The following IL12RB1 variants were observed in gnomAD, a reference collection of about 807,000 sequenced individuals.
IL12RB1 encodes interleukin-12 receptor subunit beta-1.
IL12RB1 carries 64 observed loss-of-function variants against 94.4 expected under a neutral mutation model. The observed-to-expected ratio is 0.68, with a 90% confidence interval of 0.55 to 0.83. The LOEUF is 0.83. IL12RB1 is among the 40% of genes least tolerant of loss of function. IL12RB1 has a pLI of 0.00. For missense variants in IL12RB1, 814 were observed against 855.6 expected, an observed-to-expected ratio of 0.95 and a Z score of 0.61; for synonymous variants, 362 against 355.5, an observed-to-expected ratio of 1.02 and a Z score of -0.21.
intron 9 of IL12RB1, among the ~76,000 whole-genome samples, chr19:18,069,966 A>G (rs962188537): frequency 6.6e-6 from 1 of 151,696 alleles, no homozygotes; most frequent in Non-Finnish European, 1.5e-5. Flanking sequence ...CCCAGGCTGG[A>G]GTGCAGTGGC....
upstream of IL12RB1, among the ~76,000 whole-genome samples, chr19:18,088,878 A>C (rs181111450): frequency 4.9e-4 from 75 of 152,164 alleles, no homozygotes; most frequent in East Asian, 0.013. Flanking sequence ...AAAAATACAA[A>C]AATTTGCCAG....
intron 1 of IL12RB1, among the ~76,000 whole-genome samples, chr19:18,096,692 CT>C (rs2036959849): frequency 6.6e-6 from 1 of 151,264 alleles, no homozygotes; most frequent in Non-Finnish European, 1.5e-5. Flanking sequence ...AAAAATCAGC[CT>C]GGTGTGGTGG....
Position 18,077,609 on chromosome 19 carries a change from G to A in IL12RB1, c.456C>T (p.Ala152=), listed in dbSNP as rs762179767. 1.6e-5 allele frequency: 25 copies of A among 1,595,906 alleles called. No individual in the cohort carries two copies. The highest frequency in any genetic ancestry group is 1.7e-5 in the Admixed American group (1 of 59,938). ...PLGDIKVSKL[A]GQLRMEWETP... ...TCTCCCACTCCATACGCAGCTGCCC[G>A]GCCAACTTGGACACCTTGATGTCTC... Residue 152 remains alanine, a synonymous_variant, in exon 5 of 17, where the codon GCC becomes GCT. Transcript: ENST00000593993.
At chr19:18,069,819 A>G in intron 9 of IL12RB1, 106 bp from the exon 10 acceptor site, 8 of 841,946 alleles carry the variant, frequency 9.5e-6, no homozygotes, top group East Asian at 2.4e-5. Context: ...TATACCCCTG[A>G]CCCTACAGGG....
At chr19:18,067,088 C>T (rs1265267071) in intron 11 of IL12RB1, among the ~76,000 whole-genome samples, 3 of 150,656 alleles carry the variant, frequency 2.0e-5, no homozygotes, top group Non-Finnish European at 4.4e-5. Flanking sequence ...TATTGGGAGG[C>T]CAAGGTGGGT....
At position 18,072,314 on chromosome 19, in the gene IL12RB1, C is replaced by A; in HGVS notation, c.819G>T (p.Gly273=). The A allele has an allele frequency of 6.2e-7, 1 of 1,614,000 alleles. No individual in the cohort carries two copies. The highest frequency in any genetic ancestry group is 8.5e-7 in the Non-Finnish European group (1 of 1,179,966). The change falls in exon 9 of 17, where the codon GGG becomes GGT. Residue 273 remains glycine, a synonymous_variant. Coordinates refer to ENST00000593993, the MANE Select transcript of IL12RB1 (RefSeq NM_005535.3). ...TQLELPEGCQ[G]LAPGTEVTYR... ...AAGTGACCTCCGTGCCAGGCGCCAG[C>A]CCTTGACAGCCTTCTGGAAGCTCCA...
chr19:18,091,476 C>G (rs1429767205), upstream of IL12RB1: 1 of 152,228 alleles, frequency 6.6e-6, no homozygotes, highest in African/African-American at 2.4e-5. Flanking sequence ...GGGAGAGAGA[C>G]CTTCAGCCCG....
rs147436538 is a variant in IL12RB1 at position 18,075,754 on chromosome 19, G to A, written c.695C>T (p.Pro232Leu). 91 of 1,612,890 alleles carry A rather than the reference G, an allele frequency of 5.6e-5. No homozygotes were observed. In the African/African-American group the frequency reaches 8.9e-4, roughly 16 times the overall value. The change falls in exon 7 of 17, where the codon CCC becomes CTC. Residue 232 changes from proline to leucine, a missense_variant. Pro to Leu is a moderately conservative substitution (Grantham distance 98). Coordinates refer to ENST00000593993, the MANE Select transcript of IL12RB1 (RefSeq NM_005535.3). ...WSKWSSPVCVPPENPPQPQVR... is the reference protein window; with the variant it reads ...WSKWSSPVCVLPENPPQPQVR... ...TGTACTCAGAGTGATCTTACCAGGG[G>A]GAACGCACACGGGGCTGCTCCACTT... is the stretch of plus-strand genomic sequence containing the variant.
chr19:18,072,340 G>T lies in IL12RB1; in HGVS notation c.793C>A (p.Leu265Met), dbSNP rs1199937410. 6.2e-7 allele frequency: 1 copy of T among 1,612,614 alleles called. No homozygotes were observed. Among genetic ancestry groups the T allele is most frequent in the Non-Finnish European group, 8.5e-7 (1 of 1,178,702 alleles). Residue 265 changes from leucine (L) to methionine (M), a missense_variant, in exon 9 of 17, where the codon CTG becomes ATG. By Grantham distance (15) the Leu-to-Met change is conservative. Coordinates refer to ENST00000593993, the MANE Select transcript of IL12RB1 (RefSeq NM_005535.3). Reference protein sequence around the residue: ...RLTLKEQPTQLELPEGCQGLA... With the variant: ...RLTLKEQPTQMELPEGCQGLA... Reference sequence around the variant, plus strand: ...CCTTGACAGCCTTCTGGAAGCTCCAGCTGGGTTGGCTGTCAGGAGTATGAA... The same window carrying T: ...CCTTGACAGCCTTCTGGAAGCTCCATCTGGGTTGGCTGTCAGGAGTATGAA...
rs2034175580 is a variant in IL12RB1, at chr19:18,062,050, A to C, written c.1715+131T>G. On this transcript the variant is annotated intron_variant, in intron 14 of 16. Transcript: ENST00000593993. ...TGCTTCAATAAAGCTGTTTTCTTCT[A>C]CCTCTGGCTTGCCCTTGAATTATTT... 3 of 650,012 alleles carry C rather than the reference A, an allele frequency of 4.6e-6. No individual in the cohort carries two copies. In the Admixed American group the frequency reaches 7.2e-5, roughly 16 times the overall value. 40.3% of individuals were successfully genotyped at this position (650,012 alleles called of 1,614,324 possible). A position where few individuals can be genotyped will look rare whatever the true frequency, so the allele number is the denominator to read the frequency against.
chr19:18,072,003 C>A (rs2035090363), intron 9 of IL12RB1, 109 bp downstream of exon 9: 1 of 772,760 alleles, frequency 1.3e-6, no homozygotes, highest in African/African-American at 1.7e-5. Flanking sequence ...ATCAGGCACT[C>A]CTTTAAAATT....
At chr19:18,073,402 C>T in intron 8 of IL12RB1, 115 bp downstream of exon 8, 2 of 744,246 alleles carry the variant, frequency 2.7e-6, no homozygotes, top group Non-Finnish European at 4.9e-6. Flanking sequence ...TGCCCACTTC[C>T]TGCCACCTCT....
At chr19:18,097,807 C>T (rs918594272) in intron 1 of IL12RB1, 3 of 1,225,146 alleles carry the variant, frequency 2.4e-6, no homozygotes, top group Non-Finnish European at 1.0e-6. Context: ...ACGAGTCGAG[C>T]CTCCTGCGGC....
At chr19:18,086,986 C>T, upstream of IL12RB1, 1 of 1,473,066 alleles carries the variant, frequency 6.8e-7, no homozygotes, top group Non-Finnish European at 9.1e-7. Flanking sequence ...ATCCCTAAGG[C>T]AAGTCAAAGT....
Position 18,069,540 on chromosome 19 carries a change from C to T in IL12RB1, c.1189+6G>A. ...GGGGTAGGCGCAGGCCATTCCAGGCCATTACCCATTCCAGCCGGATCCGGG... is the reference window on the plus strand; with the variant it reads ...GGGGTAGGCGCAGGCCATTCCAGGCTATTACCCATTCCAGCCGGATCCGGG... On this transcript the variant is annotated splice_donor_region_variant and intron_variant, in intron 10 of 16. Transcript: ENST00000593993. The T allele has an allele frequency of 6.2e-7, 1 of 1,604,478 alleles. No individual in the cohort carries two copies. Among genetic ancestry groups the T allele is most frequent in the Non-Finnish European group, 8.5e-7 (1 of 1,178,388 alleles).
intron 10 of IL12RB1, 64 bp from the exon 11 acceptor site, chr19:18,068,590 C>CTG: frequency 7.2e-7 from 1 of 1,387,908 alleles, no homozygotes; most frequent in Non-Finnish European, 1.0e-6. Flanking sequence ...CACCTTTGCA[C>CTG]TGGCTGTGCC....
chr19:18,095,522 A>C (rs2036850598), intron 1 of IL12RB1, among the ~76,000 whole-genome samples: 1 of 152,108 alleles, frequency 6.6e-6, no homozygotes, highest in Non-Finnish European at 1.5e-5. Flanking sequence ...GGGCTGAGAG[A>C]GGGGGAATGA....
Position 18,082,226 on chromosome 19 carries a change from T to A in IL12RB1, c.163A>T (p.Ile55Leu), listed in dbSNP as rs1222616575. ...SGPRDLRCYR[I>L]SSDRYECSWQ... ...GAGCACTCGTAACGATCACTGGATA[T>A]CCGATAGCATCTCAGGTCCCTAGGG... is the stretch of plus-strand genomic sequence containing the variant. The change falls in exon 3 of 17, where the codon ATA (isoleucine) becomes TTA (leucine). Residue 55 changes from isoleucine to leucine, a missense_variant. Physicochemically the swap from Ile to Leu is conservative, Grantham distance 5. Transcript: ENST00000593993. 1 of 1,613,622 alleles carries A rather than the reference T, an allele frequency of 6.2e-7. No individual in the cohort carries two copies. Among genetic ancestry groups the A allele is most frequent in the South Asian group, 1.1e-5 (1 of 91,014 alleles).
Position 18,072,242 on chromosome 19 carries a change from G to C in IL12RB1, c.891C>G (p.Ala297=), listed in dbSNP as rs548747269. Residue 297 remains alanine, a synonymous_variant, in exon 9 of 17, where the codon GCC becomes GCG. Coordinates refer to ENST00000593993, the MANE Select transcript of IL12RB1 (RefSeq NM_005535.3). ...TCTTCCCCAGGTGCAGGGTCCTGGT[G>C]GCCTTGGCCTTACACGGGCAGGACA... ...HMLSCPCKAK[A]TRTLHLGKMP... The C allele has an allele frequency of 6.2e-7, 1 of 1,614,108 alleles. No homozygotes were observed. Among genetic ancestry groups the C allele is most frequent in the African/African-American group, 1.3e-5 (1 of 75,068 alleles).
Sources: allele counts gnomAD v4.1 joint callset (sites outside exome capture counted in the v4.1 genomes callset), GRCh38; gene constraint gnomAD v4.1.1; transcripts MANE v1.5; gene names NCBI Gene and HGNC (gene_info 2026-07-23, HGNC 2026-07-21).